Variants in PEX3 observed in about 807,000 individuals in gnomAD.
PEX3 encodes peroxin-3.
In PEX3, 30 loss-of-function variants were observed where a neutral mutation model predicts 55.8. That is an observed-to-expected ratio of 0.54 (90% CI 0.40 to 0.73). The LOEUF is 0.73. PEX3 is among the 30% of genes least tolerant of loss of function. The pLI is 0.00. For synonymous variants in PEX3, 135 were observed against 148.4 expected, an observed-to-expected ratio of 0.91 and a Z score of 0.66; for missense variants, 351 against 432.8, an observed-to-expected ratio of 0.81 and a Z score of 1.68.
rs1350286006 is a variant in PEX3, at chr6:143,471,278, C to T, written c.457-105C>T. The stretch of plus-strand genomic sequence containing the variant: ...GTGTGTTAAAAATTACTATTTTTCC[C>T]GTCATTTCAGATCTTGAAAAATCTC... On this transcript the variant is annotated intron_variant, in intron 5 of 11. Coordinates refer to ENST00000367591, the MANE Select transcript of PEX3 (RefSeq NM_003630.3). This position sits in a 1 kb window ranked among gnomAD's most constrained non-coding sequence, Gnocchi z 5.4. 1.9e-5 allele frequency: 21 copies of T among 1,093,796 alleles called. No individual in the cohort carries two copies. The highest frequency in any genetic ancestry group is 2.2e-4 in the Middle Eastern group (1 of 4,640). 67.8% of individuals were successfully genotyped at this position (1,093,796 alleles called of 1,614,324 possible).
rs554116070 is a variant in PEX3, at chr6:143,486,847, A to C, written c.1038+1599A>C. Among the ~76,000 whole-genome samples, 3 of 152,302 alleles carry C rather than the reference A, an allele frequency of 2.0e-5. No homozygotes were observed. The highest frequency in any genetic ancestry group is 7.2e-5 in the African/African-American group (3 of 41,574). On this transcript the variant is annotated intron_variant, in intron 11 of 11. Coordinates refer to ENST00000367591, the MANE Select transcript of PEX3 (RefSeq NM_003630.3). The surrounding 1 kb of genome is among the most constrained non-coding windows in gnomAD (Gnocchi z 5.0). ...GCCAGATAGTACATACTTTAGGCTT[A>C]ATGCAACATACATTCTCTACAGAAA...
rs1037688328 is a variant in PEX3 at position 143,450,812 on chromosome 6, G to C, written c.-231G>C. The C allele has an allele frequency of 3.6e-6, 3 of 833,120 alleles. No individual in the cohort carries two copies. The highest frequency in any genetic ancestry group is 3.8e-6 in the Non-Finnish European group (2 of 522,144). The allele number at this position is 833,120 out of a possible 1,614,324, so 51.6% of individuals were successfully genotyped here. A position where few individuals can be genotyped will look rare whatever the true frequency, so the allele number is the denominator to read the frequency against. On this transcript the variant is annotated 5_prime_UTR_variant, in exon 1 of 12. Coordinates refer to ENST00000367591, the MANE Select transcript of PEX3 (RefSeq NM_003630.3). ...ACCTGGGCTTGTCGGACCAGTGAGCGGCGGCGGCTGCGCGGCGGCAGCGGC... is the reference window on the plus strand; with the variant it reads ...ACCTGGGCTTGTCGGACCAGTGAGCCGCGGCGGCTGCGCGGCGGCAGCGGC...
rs1271191800 is a variant in PEX3 at position 143,462,411 on chromosome 6, C to T, written c.206-505C>T. On this transcript the variant is annotated intron_variant, in intron 2 of 11. Transcript: ENST00000367591. This position sits in a 1 kb window ranked among gnomAD's most constrained non-coding sequence, Gnocchi z 4.1. ...GCAACTCTTAGTTCCTAACCCAGTG[C>T]ACTTTTGTCTAGGTTATAATAAATG... 6.6e-6 allele frequency among the ~76,000 whole-genome samples: 1 copy of T among 152,158 alleles called. No homozygotes were observed. The highest frequency in any genetic ancestry group is 6.5e-5 in the Admixed American group (1 of 15,282).
chr6:143,457,596 T>A (rs1369252777), intron 1 of PEX3, among the ~76,000 whole-genome samples: 1 of 152,192 alleles, frequency 6.6e-6, no homozygotes, highest in Non-Finnish European at 1.5e-5. Flanking sequence ...ATTACTTAGG[T>A]CATGCACAAT....
Position 143,476,009 on chromosome 6 carries a change from T to G in PEX3, c.818+1153T>G, listed in dbSNP as rs917525783. Among the ~76,000 whole-genome samples the G allele has an allele frequency of 6.6e-6, 1 of 152,154 alleles. No individual in the cohort carries two copies. Among genetic ancestry groups the G allele is most frequent in the Non-Finnish European group, 1.5e-5 (1 of 68,028 alleles). On this transcript the variant is annotated intron_variant, in intron 9 of 11. Transcript: ENST00000367591. This position sits in a 1 kb window ranked among gnomAD's most constrained non-coding sequence, Gnocchi z 5.4. ...AGAGAAAAATAATCAACTAATAAAT[T>G]TGATGTAATGTCAAGTATGTATAAC...
At chr6:143,461,643 C>T (rs1779922055) in intron 2 of PEX3, among the ~76,000 whole-genome samples, 1 of 151,780 alleles carries the variant, frequency 6.6e-6, no homozygotes, top group Admixed American at 6.6e-5. Flanking sequence ...AGAAGTTTTC[C>T]CTTTTAGAAT....
In PEX3 at chr6:143,471,277, C is replaced by T. The variant is rs1261366890; in HGVS notation, c.457-106C>T. On this transcript the variant is annotated intron_variant, in intron 5 of 11. Coordinates refer to ENST00000367591, the MANE Select transcript of PEX3 (RefSeq NM_003630.3). The surrounding 1 kb of genome is among the most constrained non-coding windows in gnomAD (Gnocchi z 5.4). The stretch of plus-strand genomic sequence containing the variant: ...GGTGTGTTAAAAATTACTATTTTTC[C>T]CGTCATTTCAGATCTTGAAAAATCT... 1.8e-6 allele frequency: 2 copies of T among 1,083,436 alleles called. No homozygotes were observed. Among genetic ancestry groups the T allele is most frequent in the African/African-American group, 1.6e-5 (1 of 63,236 alleles). The allele number at this position is 1,083,436 out of a possible 1,614,324, so 67.1% of individuals were successfully genotyped here. A position where few individuals can be genotyped will look rare whatever the true frequency, so the allele number is the denominator to read the frequency against.
chr6:143,471,097 A>G lies in PEX3; in HGVS notation c.456+12A>G. 5.0e-6 allele frequency: 8 copies of G among 1,610,362 alleles called. No individual in the cohort carries two copies. The highest frequency in any genetic ancestry group is 6.8e-6 in the Non-Finnish European group (8 of 1,176,782). On this transcript the variant is annotated intron_variant, in intron 5 of 11. Coordinates refer to ENST00000367591, the MANE Select transcript of PEX3 (RefSeq NM_003630.3). The surrounding 1 kb of genome is among the most constrained non-coding windows in gnomAD (Gnocchi z 5.4). ...GCAAAAATGGCACTGTAAGTTTAAT[A>G]GACTTAAATAGACATTGTTCTTTCC...
rs161068 is a variant in PEX3, at chr6:143,468,044, A to T, written c.288-78A>T. 0.65 allele frequency: 520,998 copies of T among 801,674 alleles called. 171,390 individuals carry two copies. Among genetic ancestry groups the T allele is most frequent in the African/African-American group, 0.78 (45,097 of 57,668 alleles). The allele number at this position is 801,674 out of a possible 1,614,324, so 49.7% of individuals were successfully genotyped here. ...CTTTTAATTTTTTTTAAAAAGTAAAAATAGATCTATAAAATTCAGAGTTTT... is the reference window on the plus strand; with the variant it reads ...CTTTTAATTTTTTTTAAAAAGTAAATATAGATCTATAAAATTCAGAGTTTT... On this transcript the variant is annotated intron_variant, in intron 3 of 11. Coordinates refer to ENST00000367591, the MANE Select transcript of PEX3 (RefSeq NM_003630.3).
At position 143,454,213 on chromosome 6, in the gene PEX3, T is replaced by G. The variant is rs538580086; in HGVS notation, c.73+3098T>G. ...CTGTCAGTTGTGGTATCACACATCATGTAACCTCTCAATTACTCCACTGTA... is the reference window on the plus strand; with the variant it reads ...CTGTCAGTTGTGGTATCACACATCAGGTAACCTCTCAATTACTCCACTGTA... On this transcript the variant is annotated intron_variant, in intron 1 of 11. Coordinates refer to ENST00000367591, the MANE Select transcript of PEX3 (RefSeq NM_003630.3). The surrounding 1 kb of genome is among the most constrained non-coding windows in gnomAD (Gnocchi z 4.3). Among the ~76,000 whole-genome samples the G allele has an allele frequency of 6.6e-6, 1 of 152,314 alleles. No homozygotes were observed. Among genetic ancestry groups the G allele is most frequent in the South Asian group, 2.1e-4 (1 of 4,830 alleles).
At chr6:143,474,649 G>C (rs1234348911) in intron 8 of PEX3, 137 bp from the exon 9 acceptor site, 6 of 651,906 alleles carry the variant, frequency 9.2e-6, no homozygotes, top group Non-Finnish European at 1.4e-5. Context: ...TTTTGGTGGG[G>C]GAGGGTCTAA....
chr6:143,467,370 T>G (rs865888159), intron 3 of PEX3, among the ~76,000 whole-genome samples: 14 of 152,152 alleles, frequency 9.2e-5, no homozygotes, highest in Middle Eastern at 3.4e-3. Context: ...CATATGCACA[T>G]ATAAATAAAT....
intron 4 of PEX3, among the ~76,000 whole-genome samples, chr6:143,470,583 A>G (rs1313385012): frequency 6.6e-6 from 1 of 152,172 alleles, no homozygotes; most frequent in Non-Finnish European, 1.5e-5. Flanking sequence ...TCGGGCTGCC[A>G]TTGAAGGCTA....
intron 9 of PEX3, among the ~76,000 whole-genome samples, chr6:143,478,288 T>C (rs1244739908): frequency 1.3e-5 from 2 of 152,076 alleles, no homozygotes; most frequent in African/African-American, 2.4e-5. Flanking sequence ...ATGGGCCTAG[T>C]GGGTGATGAA....
At position 143,450,813 on chromosome 6, in the gene PEX3, G is replaced by T; in HGVS notation, c.-230G>T. Reference sequence around the variant, plus strand: ...CCTGGGCTTGTCGGACCAGTGAGCGGCGGCGGCTGCGCGGCGGCAGCGGCA... The same window carrying T: ...CCTGGGCTTGTCGGACCAGTGAGCGTCGGCGGCTGCGCGGCGGCAGCGGCA... On this transcript the variant is annotated 5_prime_UTR_variant, in exon 1 of 12. Coordinates refer to ENST00000367591, the MANE Select transcript of PEX3 (RefSeq NM_003630.3). 1 of 824,464 alleles carries T rather than the reference G, an allele frequency of 1.2e-6. No individual in the cohort carries two copies. The highest frequency in any genetic ancestry group is 1.9e-6 in the Non-Finnish European group (1 of 514,214). 51.1% of individuals were successfully genotyped at this position (824,464 alleles called of 1,614,324 possible).
Position 143,485,043 on chromosome 6 carries a change from T to A in PEX3, c.942-109T>A. On this transcript the variant is annotated intron_variant, in intron 10 of 11. Transcript: ENST00000367591. The surrounding 1 kb of genome is among the most constrained non-coding windows in gnomAD (Gnocchi z 5.6). ...TTGTGGGGTTTTTTTTCCTTTTTAA[T>A]AGATTTCCAAAAATATTCTACAATG... 1 of 743,758 alleles carries A rather than the reference T, an allele frequency of 1.3e-6. No individual in the cohort carries two copies. Among genetic ancestry groups the A allele is most frequent in the South Asian group, 1.5e-5 (1 of 67,344 alleles). 46.1% of individuals were successfully genotyped at this position (743,758 alleles called of 1,614,324 possible). A position where few individuals can be genotyped will look rare whatever the true frequency, so the allele number is the denominator to read the frequency against.
At chr6:143,469,017 G>T (rs1780034133) in intron 4 of PEX3, among the ~76,000 whole-genome samples, 2 of 151,864 alleles carry the variant, frequency 1.3e-5, no homozygotes, top group Admixed American at 6.6e-5. Context: ...TCCTTTTTTG[G>T]GGCTGCATAG....
At chr6:143,470,614 T>G (rs961616417) in intron 4 of PEX3, among the ~76,000 whole-genome samples, 4 of 152,234 alleles carry the variant, frequency 2.6e-5, no homozygotes, top group Non-Finnish European at 4.4e-5. Flanking sequence ...ACACTCAGCC[T>G]TCTTCTCTTA....
intron 3 of PEX3, among the ~76,000 whole-genome samples, 181 bp from the exon 4 acceptor site, chr6:143,467,941 G>T (rs1780013624): frequency 6.6e-6 from 1 of 152,010 alleles, no homozygotes; most frequent in African/African-American, 2.4e-5. Flanking sequence ...AGTTAAAGTG[G>T]TTGTTATTGA....
Sources: allele counts gnomAD v4.1 joint callset (sites outside exome capture counted in the v4.1 genomes callset), GRCh38; gene constraint gnomAD v4.1.1; non-coding constraint Gnocchi (gnomAD v3.1); transcripts MANE v1.5; gene names NCBI Gene and HGNC (gene_info 2026-07-23, HGNC 2026-07-21).